The following ARHGAP42 variants were observed in gnomAD, a reference collection of about 807,000 sequenced individuals.
ARHGAP42 encodes Rho GTPase activating protein 42, also known as rho GTPase-activating protein 42.
A neutral mutation model predicts 125.0 loss-of-function variants in ARHGAP42; 63 were observed. The ratio of observed to expected loss-of-function variants is 0.50; its 90% CI spans 0.41 to 0.62. ARHGAP42 has a LOEUF of 0.62. Ranked by LOEUF, ARHGAP42 falls within the 20% of genes least tolerant of loss-of-function variation. The probability of loss-of-function intolerance (pLI) is 0.00; values close to 1 mark genes in which losing one functional copy is unlikely to be tolerated. For missense variants in ARHGAP42, 766 were observed against 1,024.2 expected (o/e 0.75, Z 3.44); for synonymous variants, 339 against 351.0 (o/e 0.97, Z 0.38).
intron 17 of ARHGAP42, among the ~76,000 whole-genome samples, chr11:100,966,960 C>A (rs1858111255): frequency 6.6e-6 from 1 of 151,990 alleles, no homozygotes; most frequent in South Asian, 2.1e-4. Context: ...TAGTAATAAC[C>A]CAATTTATGC....
rs564661492 is a variant in ARHGAP42 at position 100,821,222 on chromosome 11, C to T, written c.312+26056C>T. Among the ~76,000 whole-genome samples, 16 of 152,098 alleles carry T rather than the reference C, an allele frequency of 1.1e-4. No homozygotes were observed. In the South Asian group the frequency reaches 3.3e-3, roughly 32 times the overall value. ...CTTTGTTACCTCAAACCTTTGTTAC[C>T]AGGACTGGATAGAATTCTGGTTTGG... On this transcript the variant is annotated intron_variant, in intron 3 of 23. Coordinates refer to ENST00000298815, the MANE Select transcript of ARHGAP42 (RefSeq NM_152432.4).
chr11:100,692,483 G>C (rs1283017007), intron 1 of ARHGAP42, among the ~76,000 whole-genome samples: 1 of 152,154 alleles, frequency 6.6e-6, no homozygotes, highest in Non-Finnish European at 1.5e-5. Flanking sequence ...GTGTGTTGTT[G>C]ATGATTCATT....
In ARHGAP42 at chr11:100,811,199, G is replaced by A. The variant is rs1223888032; in HGVS notation, c.312+16033G>A. The stretch of plus-strand genomic sequence containing the variant: ...TCAAAGTCCTGACCTCAGGTGATCC[G>A]CCCACCTCAGCCTCCCAAAGTGCTA... On this transcript the variant is annotated intron_variant, in intron 3 of 23. Transcript: ENST00000298815. Among the ~76,000 whole-genome samples, 7 of 152,200 alleles carry A rather than the reference G, an allele frequency of 4.6e-5. No individual in the cohort carries two copies. In the South Asian group the frequency reaches 1.2e-3, roughly 27 times the overall value.
At position 100,965,713 on chromosome 11, in the gene ARHGAP42, T is replaced by C; in HGVS notation, c.1487T>C (p.Leu496Ser). Residue 496 changes from leucine to serine, a missense_variant, in exon 17 of 24, where the codon TTG becomes TCG. Leu to Ser is a moderately radical substitution (Grantham distance 145). Around this residue, in one of 3 missense-constraint regions of ARHGAP42, gnomAD observed 455 missense variants for 636.5 expected, o/e 0.71. Transcript: ENST00000298815. ...QNYRVEAVHA[L>S]VHKLPEKNRE... ...TACAGGGTGGAGGCTGTACATGCATTGGTGCACAAATTGCCGGAGAAAAAC... is the reference window on the plus strand; with the variant it reads ...TACAGGGTGGAGGCTGTACATGCATCGGTGCACAAATTGCCGGAGAAAAAC... 1 of 1,551,028 alleles carries C rather than the reference T, an allele frequency of 6.4e-7. No individual in the cohort carries two copies. Among genetic ancestry groups the C allele is most frequent in the Non-Finnish European group, 8.7e-7 (1 of 1,146,920 alleles).
At chr11:100,725,255 C>T (rs1302464964) in intron 1 of ARHGAP42, among the ~76,000 whole-genome samples, 1 of 151,658 alleles carries the variant, frequency 6.6e-6, no homozygotes, top group Non-Finnish European at 1.5e-5. Flanking sequence ...ACTGCAACCT[C>T]TGCCTCCTAG....
At chr11:100,952,284 G>C (rs568438075) in intron 12 of ARHGAP42, among the ~76,000 whole-genome samples, 2 of 152,164 alleles carry the variant, frequency 1.3e-5, no homozygotes, top group Admixed American at 6.5e-5. Context: ...CATATCAACT[G>C]ATGACAAAAT....
chr11:100,903,729 T>A (rs1185264936), intron 4 of ARHGAP42, among the ~76,000 whole-genome samples: 2,944 of 95,702 alleles, frequency 0.031, 210 homozygotes, highest in African/African-American at 0.052. Flanking sequence ...TATATATATA[T>A]ATATATATAT....
intron 4 of ARHGAP42, among the ~76,000 whole-genome samples, chr11:100,898,367 G>T (rs938608478): frequency 1.3e-5 from 2 of 152,098 alleles, no homozygotes; most frequent in Non-Finnish European, 2.9e-5. Flanking sequence ...AAATGAATTG[G>T]GGAAGATTCC....
At chr11:100,778,096 C>T (rs952367854) in intron 2 of ARHGAP42, among the ~76,000 whole-genome samples, 2 of 151,994 alleles carry the variant, frequency 1.3e-5, no homozygotes, top group African/African-American at 2.4e-5. Context: ...ATCCCTTGAG[C>T]CCAGAAGCTG....
intron 10 of ARHGAP42, among the ~76,000 whole-genome samples, chr11:100,944,443 GATCT>G (rs1399006646): frequency 2.0e-5 from 3 of 152,040 alleles, no homozygotes; most frequent in Non-Finnish European, 2.9e-5. Context: ...TGTAATCCAT[GATCT>G]ATCTTTCTTC....
intron 12 of ARHGAP42, among the ~76,000 whole-genome samples, chr11:100,952,133 A>G (rs1489351780): frequency 6.6e-6 from 1 of 152,098 alleles, no homozygotes; most frequent in Non-Finnish European, 1.5e-5. Context: ...TTTTTACTTG[A>G]AGCCTGTTTT....
chr11:100,858,797 T>C (rs1466208552), intron 3 of ARHGAP42, among the ~76,000 whole-genome samples: 1 of 152,132 alleles, frequency 6.6e-6, no homozygotes, highest in African/African-American at 2.4e-5. Context: ...GCCTCCTCTT[T>C]ATTTTAATGC....
chr11:100,941,690 A>G (rs1001456675), intron 8 of ARHGAP42, 94 bp from the exon 9 acceptor site: 3 of 675,208 alleles, frequency 4.4e-6, no homozygotes, highest in Non-Finnish European at 7.4e-6. Context: ...TAGGAGAGAT[A>G]ATCGGTTGTA....
chr11:100,912,344 T>C lies in ARHGAP42; in HGVS notation c.385-1108T>C, dbSNP rs578230173. Among the ~76,000 whole-genome samples the C allele has an allele frequency of 5.9e-5, 9 of 152,294 alleles. No individual in the cohort carries two copies. The South Asian group carries it at 1.9e-3, about 32-fold the overall frequency. On this transcript the variant is annotated intron_variant, in intron 4 of 23. Transcript: ENST00000298815. ...ATTTTTAAGTAACCTTTTCTAGGTA[T>C]TTATGCAAGTAATGAAGCAAAGCAT...
intron 2 of ARHGAP42, among the ~76,000 whole-genome samples, chr11:100,786,292 A>G (rs1353772021): frequency 6.6e-6 from 1 of 152,234 alleles, no homozygotes; most frequent in Non-Finnish European, 1.5e-5. Flanking sequence ...ATGTGACTTG[A>G]TGACTTCATT....
rs888544481 is a variant in ARHGAP42, at chr11:100,933,262, T to G, written c.702+2T>G. Reference sequence around the variant, plus strand: ...CAGCTGCAGTTCAACTTGCAGAATGTAAGAGTATACCTGTTCTTACTGTCT... The same window carrying G: ...CAGCTGCAGTTCAACTTGCAGAATGGAAGAGTATACCTGTTCTTACTGTCT... On this transcript the variant is annotated splice_donor_variant, in intron 7 of 23. Coordinates refer to ENST00000298815, the MANE Select transcript of ARHGAP42 (RefSeq NM_152432.4). LOFTEE classifies it high-confidence loss of function. The G allele has an allele frequency of 1.9e-6, 3 of 1,541,166 alleles. No homozygotes were observed. Among genetic ancestry groups the G allele is most frequent in the Non-Finnish European group, 2.6e-6 (3 of 1,138,108 alleles).
chr11:100,735,073 A>G lies in ARHGAP42; in HGVS notation c.155-35270A>G, dbSNP rs184454359. ...GCAGGAGCCTGGGTCTACTCAGCTTAGTTACCAACTGGATGTGAAAGTTCC... is the reference window on the plus strand; with the variant it reads ...GCAGGAGCCTGGGTCTACTCAGCTTGGTTACCAACTGGATGTGAAAGTTCC... On this transcript the variant is annotated intron_variant, in intron 1 of 23. Coordinates refer to ENST00000298815, the MANE Select transcript of ARHGAP42 (RefSeq NM_152432.4). Among the ~76,000 whole-genome samples, 690 of 152,374 alleles carry G rather than the reference A, an allele frequency of 4.5e-3. 14 individuals are homozygous for G. Among genetic ancestry groups the G allele is most frequent in the South Asian group, 0.019 (93 of 4,834 alleles).
rs1264703564 is a variant in ARHGAP42 at position 100,976,279 on chromosome 11, C to A, written c.2078C>A (p.Thr693Asn). 6.4e-7 allele frequency: 1 copy of A among 1,551,608 alleles called. No individual in the cohort carries two copies. Among genetic ancestry groups the A allele is most frequent in the Non-Finnish European group, 8.7e-7 (1 of 1,146,934 alleles). ...GAATCAAGTTCCAGAGAAGATGCAA[C>A]CAAGACAGATGCAGAATCAGACTGC... ...SPESSSREDA[T>N]KTDAESDCQS... The change falls in exon 20 of 24, where the codon ACC becomes AAC. Residue 693 changes from threonine (T) to asparagine (N), a missense_variant. Transcript: ENST00000298815.
intron 3 of ARHGAP42, among the ~76,000 whole-genome samples, chr11:100,853,154 T>C (rs1865244420): frequency 6.6e-6 from 1 of 152,198 alleles, no homozygotes; most frequent in Non-Finnish European, 1.5e-5. Flanking sequence ...TTTTTAAAAG[T>C]GAATGTATAT....
Sources: gnomAD v4.1 joint callset for allele counts (sites outside exome capture counted in the v4.1 genomes callset) on GRCh38, gnomAD v4.1.1 for gene constraint, gnomAD v4.1.1 regional missense constraint, MANE v1.5 for transcripts, NCBI Gene and HGNC (gene_info 2026-07-23, HGNC 2026-07-21) for gene names.